Variants in ABTB2 observed in about 807,000 individuals in gnomAD.
The protein encoded by ABTB2 is ankyrin repeat and BTB/POZ domain-containing protein 2.
A neutral mutation model predicts 104.1 loss-of-function variants in ABTB2; 56 were observed. The ratio of observed to expected loss-of-function variants is 0.54; its 90% confidence interval spans 0.43 to 0.67. The LOEUF (loss-of-function observed/expected upper bound fraction) is 0.67, where lower values mean the gene tolerates loss of function less well. ABTB2 is among the 30% of genes least tolerant of loss of function. ABTB2 has a pLI of 0.00. For missense variants in ABTB2, 1,279 were observed against 1,407.7 expected, an observed-to-expected ratio of 0.91 and a Z score of 1.46; for synonymous variants, 606 against 608.2, an observed-to-expected ratio of 1.00 and a Z score of 0.05.
intron 1 of ABTB2, among the ~76,000 whole-genome samples, chr11:34,305,753 C>T (rs1417143670): frequency 6.6e-6 from 1 of 152,186 alleles, no homozygotes; most frequent in African/African-American, 2.4e-5. Context: ...GCAATAAATA[C>T]TCATATACCC....
intron 1 of ABTB2, among the ~76,000 whole-genome samples, chr11:34,291,151 C>G (rs543178244): frequency 3.3e-5 from 5 of 152,350 alleles, no homozygotes; most frequent in African/African-American, 1.2e-4. Context: ...AATGCCACAG[C>G]AATCCCCAAG....
At chr11:34,344,437 A>G (rs1243268847) in intron 1 of ABTB2, among the ~76,000 whole-genome samples, 1 of 152,202 alleles carries the variant, frequency 6.6e-6, no homozygotes, top group South Asian at 2.1e-4. Context: ...AAGAAGGGCA[A>G]TATTTCAATC....
chr11:34,306,591 G>GT (rs1175743385), intron 1 of ABTB2, among the ~76,000 whole-genome samples: 1 of 151,942 alleles, frequency 6.6e-6, no homozygotes, highest in Non-Finnish European at 1.5e-5. Flanking sequence ...GGATGTGGTG[G>GT]TGTGTGCCTG....
At chr11:34,351,151 G>C (rs1276289362) in intron 1 of ABTB2, among the ~76,000 whole-genome samples, 2 of 152,204 alleles carry the variant, frequency 1.3e-5, no homozygotes, top group Non-Finnish European at 2.9e-5. Context: ...GTTTGTTTCA[G>C]AACTTCCCAT....
chr11:34,341,349 T>C (rs1317403105), intron 1 of ABTB2, among the ~76,000 whole-genome samples: 2 of 152,152 alleles, frequency 1.3e-5, no homozygotes, highest in African/African-American at 4.8e-5. Flanking sequence ...TTAATCTCCA[T>C]TTCCATGAAT....
At position 34,252,167 on chromosome 11, in the gene ABTB2, C is replaced by T. The variant is rs911965242; in HGVS notation, c.884-47477G>A. The stretch of plus-strand genomic sequence containing the variant: ...TGAGGCTGAGCTGAAAGGAAGTCAC[C>T]TGACACAGCATGAGCCCCCACACCA... On this transcript the variant is annotated intron_variant, in intron 1 of 16. Transcript: ENST00000435224. The surrounding 1 kb of genome is among the most constrained non-coding windows in gnomAD (Gnocchi z 5.5). Among the ~76,000 whole-genome samples, 2 of 152,176 alleles carry T rather than the reference C, an allele frequency of 1.3e-5. No individual in the cohort carries two copies. The highest frequency in any genetic ancestry group is 4.8e-5 in the African/African-American group (2 of 41,444).
intron 1 of ABTB2, among the ~76,000 whole-genome samples, chr11:34,350,089 G>C (rs559304924): frequency 6.6e-6 from 1 of 152,272 alleles, no homozygotes; most frequent in African/African-American, 2.4e-5. Flanking sequence ...TGAAGGCCTA[G>C]GTCAGTAAGA....
intron 1 of ABTB2, among the ~76,000 whole-genome samples, chr11:34,238,122 ATAC>A (rs1853869055): frequency 6.6e-6 from 1 of 152,160 alleles, no homozygotes; most frequent in Admixed American, 6.5e-5. Flanking sequence ...ATTATCTCCC[ATAC>A]TCCCAGCCTC....
intron 1 of ABTB2, among the ~76,000 whole-genome samples, chr11:34,208,714 G>A (rs1306795955): frequency 6.6e-6 from 1 of 151,994 alleles, no homozygotes; most frequent in Non-Finnish European, 1.5e-5. Flanking sequence ...CCCTCTGTGA[G>A]TACAGCACCG....
rs145859331 is a variant in ABTB2 at position 34,301,799 on chromosome 11, T to G, written c.883+54902A>C. On this transcript the variant is annotated intron_variant, in intron 1 of 16. Coordinates refer to ENST00000435224, the MANE Select transcript of ABTB2 (RefSeq NM_145804.3). ...AAGAGTTTGAGACCAGCCTGGGCAA[T>G]TATTGGATGAAACTACATCTCTACA... Among the ~76,000 whole-genome samples the G allele has an allele frequency of 2.0e-5, 3 of 152,190 alleles. No individual in the cohort carries two copies. The East Asian group carries it at 5.8e-4, about 29-fold the overall frequency.
intron 1 of ABTB2, among the ~76,000 whole-genome samples, chr11:34,297,873 T>A (rs1268618104): frequency 6.6e-6 from 1 of 151,894 alleles, no homozygotes; most frequent in Non-Finnish European, 1.5e-5. Flanking sequence ...AAGAGGTGAT[T>A]ACGCCATGAA....
chr11:34,245,769 G>A (rs929252886), intron 1 of ABTB2, among the ~76,000 whole-genome samples: 4 of 152,198 alleles, frequency 2.6e-5, no homozygotes, highest in African/African-American at 9.6e-5. Context: ...GGAAATGGAA[G>A]CTCTTTGGTG....
chr11:34,159,433 C>T (rs374659830), intron 13 of ABTB2, 47 bp from the exon 14 acceptor site: 55 of 1,313,808 alleles, frequency 4.2e-5, no homozygotes, highest in Middle Eastern at 1.8e-4. Flanking sequence ...CCTTTTACTT[C>T]ACCACTGTGT....
chr11:34,222,749 C>G (rs1316121589), intron 1 of ABTB2, among the ~76,000 whole-genome samples: 2 of 152,252 alleles, frequency 1.3e-5, no homozygotes, highest in African/African-American at 4.8e-5. Flanking sequence ...GCACTGACTT[C>G]TAACCCTGGG....
chr11:34,285,095 T>C (rs888062492), intron 1 of ABTB2, among the ~76,000 whole-genome samples: 21 of 152,288 alleles, frequency 1.4e-4, no homozygotes, highest in African/African-American at 5.1e-4. Context: ...AGAACAGCCC[T>C]GGCATAATTA....
intron 1 of ABTB2, among the ~76,000 whole-genome samples, chr11:34,329,011 T>G (rs977012118): frequency 6.6e-6 from 1 of 152,224 alleles, no homozygotes; most frequent in African/African-American, 2.4e-5. Flanking sequence ...GAAGTAACAT[T>G]TAAATTCATC....
At chr11:34,239,637 C>A (rs1359941402) in intron 1 of ABTB2, among the ~76,000 whole-genome samples, 1 of 152,190 alleles carries the variant, frequency 6.6e-6, no homozygotes, top group Non-Finnish European at 1.5e-5. Context: ...CCTGTCTCTG[C>A]CTTTTTTCTA....
At chr11:34,211,261 C>T (rs1853477257) in intron 1 of ABTB2, among the ~76,000 whole-genome samples, 1 of 152,130 alleles carries the variant, frequency 6.6e-6, no homozygotes, top group South Asian at 2.1e-4. Context: ...GGGCACACTG[C>T]CGTGTCCAGC....
intron 1 of ABTB2, among the ~76,000 whole-genome samples, chr11:34,247,950 A>G (rs1160201946): frequency 1.3e-5 from 2 of 152,180 alleles, no homozygotes; most frequent in African/African-American, 2.4e-5. Context: ...GAAGGCATGT[A>G]TATGCTGTGT....
Sources: allele counts gnomAD v4.1 joint callset (sites outside exome capture counted in the v4.1 genomes callset), GRCh38; gene constraint gnomAD v4.1.1; non-coding constraint Gnocchi (gnomAD v3.1); transcripts MANE v1.5; gene names NCBI Gene and HGNC (gene_info 2026-07-23, HGNC 2026-07-21).